ZNF385B: variants seen among roughly 807,000 people sequenced by gnomAD.
ZNF385B encodes zinc finger protein 533.
ZNF385B carries 23 observed loss-of-function variants against 39.2 expected under a neutral mutation model. That is an observed-to-expected ratio of 0.59 (90% confidence interval 0.42 to 0.83). The LOEUF is 0.83. Among genes scored for constraint, ZNF385B ranks in the 40% least tolerant of loss-of-function variants. The pLI is 0.00. For missense variants in ZNF385B, 552 were observed against 598.9 expected, an observed-to-expected ratio of 0.92 and a Z score of 0.82; for synonymous variants, 205 against 222.6, an observed-to-expected ratio of 0.92 and a Z score of 0.70.
intron 1 of ZNF385B, among the ~76,000 whole-genome samples, chr2:179,784,932 A>G (rs1215337216): frequency 2.6e-5 from 4 of 152,136 alleles, no homozygotes; most frequent in Admixed American, 6.6e-5. Flanking sequence ...ATTCTTAGGT[A>G]TACTATATCC....
chr2:179,706,568 T>G (rs1699616908), intron 3 of ZNF385B, among the ~76,000 whole-genome samples: 2 of 152,120 alleles, frequency 1.3e-5, no homozygotes, highest in African/African-American at 4.8e-5. Flanking sequence ...CTGCTTTCCA[T>G]CCATCAAGGA....
At chr2:179,748,574 T>A (rs979533701) in intron 3 of ZNF385B, among the ~76,000 whole-genome samples, 1 of 152,188 alleles carries the variant, frequency 6.6e-6, no homozygotes, top group South Asian at 2.1e-4. Context: ...TTTATTTGTA[T>A]ATGCTATAAA....
In ZNF385B at chr2:179,634,227, T is replaced by C. The variant is rs568606432; in HGVS notation, c.299-89258A>G. ...GACAAATGGGATCTAATTAAAGAGC[T>C]CTGCACAGCAAAAGAAACTACTATC... On this transcript the variant is annotated intron_variant, in intron 3 of 9. Transcript: ENST00000410066. Among the ~76,000 whole-genome samples the C allele has an allele frequency of 3.5e-4, 20 of 57,868 alleles. No individual in the cohort carries two copies. In the South Asian group the frequency reaches 0.013, roughly 38 times the overall value. 38.0% of individuals were successfully genotyped at this position (57,868 alleles called of 152,430 possible). A position where few individuals can be genotyped will look rare whatever the true frequency, so the allele number is the denominator to read the frequency against.
At chr2:179,457,909 C>T (rs1398278124) in intron 6 of ZNF385B, among the ~76,000 whole-genome samples, 2 of 152,158 alleles carry the variant, frequency 1.3e-5, no homozygotes, top group Non-Finnish European at 2.9e-5. Context: ...ATAGAGTAAG[C>T]AACTTGCCTG....
intron 6 of ZNF385B, among the ~76,000 whole-genome samples, chr2:179,471,060 T>G (rs1363313419): frequency 6.6e-6 from 1 of 152,164 alleles, no homozygotes; most frequent in Non-Finnish European, 1.5e-5. Flanking sequence ...AAAATGATAT[T>G]ATTTTAAGAG....
intron 1 of ZNF385B, among the ~76,000 whole-genome samples, chr2:179,786,981 A>T (rs1046538786): frequency 2.6e-5 from 4 of 152,142 alleles, no homozygotes; most frequent in African/African-American, 7.2e-5. Flanking sequence ...ATATTTTCAA[A>T]CGCACTTATT....
chr2:179,521,833 T>C (rs1328348249), intron 4 of ZNF385B, among the ~76,000 whole-genome samples: 1 of 152,212 alleles, frequency 6.6e-6, no homozygotes, highest in African/African-American at 2.4e-5. Context: ...TTTGGATAAC[T>C]TATCACTAAT....
At chr2:179,515,935 AAC>A (rs1213210850) in intron 5 of ZNF385B, among the ~76,000 whole-genome samples, 2 of 151,610 alleles carry the variant, frequency 1.3e-5, no homozygotes, top group African/African-American at 4.9e-5. Flanking sequence ...TCCCTAACTT[AAC>A]CCTTAGCCCC....
chr2:179,785,308 A>G (rs1435719642), intron 1 of ZNF385B, among the ~76,000 whole-genome samples: 1 of 152,146 alleles, frequency 6.6e-6, no homozygotes, highest in Non-Finnish European at 1.5e-5. Context: ...AAATCCATTG[A>G]TCTATACATT....
chr2:179,774,082 CG>C (rs1167064947), intron 1 of ZNF385B, among the ~76,000 whole-genome samples: 1 of 149,802 alleles, frequency 6.7e-6, no homozygotes, highest in African/African-American at 2.5e-5. Flanking sequence ...GTGGTATGTG[CG>C]GGGGTGTATA....
chr2:179,616,247 A>G (rs1689725255), intron 3 of ZNF385B, among the ~76,000 whole-genome samples: 1 of 152,168 alleles, frequency 6.6e-6, no homozygotes, highest in South Asian at 2.1e-4. Flanking sequence ...CTTGGCACAC[A>G]ATGAGAACTC....
At chr2:179,720,240 A>T (rs1422141841) in intron 3 of ZNF385B, among the ~76,000 whole-genome samples, 2 of 152,068 alleles carry the variant, frequency 1.3e-5, no homozygotes, top group East Asian at 3.9e-4. Flanking sequence ...TTTTTGGGAG[A>T]AATAGCCTGA....
At chr2:179,692,085 C>A (rs1698398353) in intron 3 of ZNF385B, among the ~76,000 whole-genome samples, 2 of 152,178 alleles carry the variant, frequency 1.3e-5, no homozygotes, top group South Asian at 4.1e-4. Context: ...TATTGTACTA[C>A]CAAACACTAG....
Position 179,697,393 on chromosome 2 carries a change from T to C in ZNF385B, c.298+72110A>G, listed in dbSNP as rs369236549. 6.4e-4 allele frequency among the ~76,000 whole-genome samples: 98 copies of C among 152,338 alleles called. 3 individuals are homozygous for C. In the South Asian group the frequency reaches 0.02, roughly 31 times the overall value. Reference sequence around the variant, plus strand: ...TGGTTTTATAAATGGTAGTTTTTCCTGTGCTGTCATGCACTTCTCCTTCCT... The same window carrying C: ...TGGTTTTATAAATGGTAGTTTTTCCCGTGCTGTCATGCACTTCTCCTTCCT... On this transcript the variant is annotated intron_variant, in intron 3 of 9. Coordinates refer to ENST00000410066, the MANE Select transcript of ZNF385B (RefSeq NM_152520.6).
At chr2:179,591,049 C>T (rs140116439) in intron 3 of ZNF385B, among the ~76,000 whole-genome samples, 1 of 152,024 alleles carries the variant, frequency 6.6e-6, no homozygotes, top group African/African-American at 2.4e-5. Flanking sequence ...TCTAATTATT[C>T]ACTACCTGTT....
At chr2:179,707,461 T>C (rs953034070) in intron 3 of ZNF385B, among the ~76,000 whole-genome samples, 3 of 152,234 alleles carry the variant, frequency 2.0e-5, no homozygotes, top group Admixed American at 1.3e-4. Flanking sequence ...ATCTCCTTTG[T>C]AATTACAGAC....
At chr2:179,745,659 C>A in intron 3 of ZNF385B, 8 of 1,446,098 alleles carry the variant, frequency 5.5e-6, no homozygotes, top group Non-Finnish European at 7.4e-6. Flanking sequence ...ACAAAAGAAT[C>A]TGTTACTGAC....
chr2:179,632,235 C>T (rs2106193345), intron 3 of ZNF385B, among the ~76,000 whole-genome samples: 1 of 152,332 alleles, frequency 6.6e-6, no homozygotes, highest in South Asian at 2.1e-4. Flanking sequence ...CACCTCAAAT[C>T]AACAGAATAT....
At chr2:179,653,055 A>T (rs1338858300) in intron 3 of ZNF385B, among the ~76,000 whole-genome samples, 1 of 152,122 alleles carries the variant, frequency 6.6e-6, no homozygotes, top group African/African-American at 2.4e-5. Flanking sequence ...TTTTTAAGTA[A>T]TTGACTAAAG....
Sources: allele counts gnomAD v4.1 joint callset (sites outside exome capture counted in the v4.1 genomes callset), GRCh38; gene constraint gnomAD v4.1.1; transcripts MANE v1.5; gene names NCBI Gene and HGNC (gene_info 2026-07-23, HGNC 2026-07-21).